Variants in PHF21A observed in about 807,000 individuals in gnomAD.
PHF21A encodes the protein BHC80a.
PHF21A carries 11 observed loss-of-function variants against 82.5 expected under a neutral mutation model. The observed-to-expected ratio is 0.13, with a 90% CI of 0.08 to 0.22. PHF21A has a LOEUF of 0.22. Among genes scored for constraint, PHF21A ranks in the 10% least tolerant of loss-of-function variants. The pLI, the probability that PHF21A is intolerant of heterozygous loss-of-function variation, is 1.00. For missense variants in PHF21A, 579 were observed against 837.8 expected, an observed-to-expected ratio of 0.69 and a Z score of 3.81; for synonymous variants, 297 against 302.8, an observed-to-expected ratio of 0.98 and a Z score of 0.20.
In PHF21A at chr11:46,092,238, C is replaced by T. The variant is rs541664927; in HGVS notation, c.-236-15G>A. 2 of 151,940 alleles carry T rather than the reference C, an allele frequency of 1.3e-5. No individual in the cohort carries two copies. Among genetic ancestry groups the T allele is most frequent in the Non-Finnish European group, 2.9e-5 (2 of 67,972 alleles). The allele number at this position is 151,940 out of a possible 1,614,324, so 9.4% of individuals were successfully genotyped here. On this transcript the variant is annotated splice_polypyrimidine_tract_variant and intron_variant, in intron 1 of 18. Transcript: ENST00000676320. Reference sequence around the variant, plus strand: ...TCTCTAGCCCCCTATAACAGAAGAACGGGAAAATGGAATTAGACAACACAC... The same window carrying T: ...TCTCTAGCCCCCTATAACAGAAGAATGGGAAAATGGAATTAGACAACACAC...
intron 6 of PHF21A, among the ~76,000 whole-genome samples, chr11:46,029,924 A>T (rs1002505466): frequency 6.6e-6 from 1 of 152,242 alleles, no homozygotes; most frequent in Non-Finnish European, 1.5e-5. Context: ...TTTAATACTT[A>T]CAAAAGTGTT....
intron 1 of PHF21A, among the ~76,000 whole-genome samples, chr11:46,099,523 GACAC>G (rs71038882): frequency 0.22 from 29,857 of 137,534 alleles, 3,567 homozygotes; most frequent in Non-Finnish European, 0.28. Flanking sequence ...AGAAAAATTA[GACAC>G]ACACACACAC....
intron 1 of PHF21A, among the ~76,000 whole-genome samples, chr11:46,107,245 G>C (rs1343282693): frequency 6.6e-6 from 1 of 152,162 alleles, no homozygotes; most frequent in African/African-American, 2.4e-5. Context: ...AAAGTGTAGA[G>C]AGTACTGGTC....
At chr11:46,070,436 T>C (rs2096643593) in intron 6 of PHF21A, among the ~76,000 whole-genome samples, 1 of 151,992 alleles carries the variant, frequency 6.6e-6, no homozygotes, top group African/African-American at 2.4e-5. Flanking sequence ...GTTCAAGCAA[T>C]TCTCCCGCCT....
rs908897021 is a variant in PHF21A, at chr11:45,930,316, TGTTGGGCCTGA to T, written c.*3641_*3651del. The T allele has an allele frequency of 1.6e-4, 25 of 152,290 alleles. No individual in the cohort carries two copies. The highest frequency in any genetic ancestry group is 6.0e-4 in the African/African-American group (25 of 41,460). The allele number at this position is 152,290 out of a possible 1,614,324, so 9.4% of individuals were successfully genotyped here. ...TGTAACCACCTCCATGCACGCTGCC[TGTTGGGCCTGA>T]GCCAAGCAGCAGCAGGGACAGAGAG... is the stretch of plus-strand genomic sequence containing the variant. On this transcript the variant is annotated 3_prime_UTR_variant, in exon 19 of 19. Transcript: ENST00000676320.
chr11:46,025,424 C>T (rs2095720774), intron 6 of PHF21A, among the ~76,000 whole-genome samples: 1 of 152,146 alleles, frequency 6.6e-6, no homozygotes, highest in South Asian at 2.1e-4. Flanking sequence ...GCTTTAGCAC[C>T]AATTCTAGAC....
intron 6 of PHF21A, among the ~76,000 whole-genome samples, chr11:46,063,172 T>C (rs550880721): frequency 4.1e-4 from 63 of 152,266 alleles, no homozygotes; most frequent in African/African-American, 1.4e-3. Context: ...TCAAAATGAA[T>C]TGAATTCGCC....
chr11:46,107,272 G>T (rs2097162292), intron 1 of PHF21A, among the ~76,000 whole-genome samples: 1 of 152,070 alleles, frequency 6.6e-6, no homozygotes, highest in Non-Finnish European at 1.5e-5. Context: ...ACTGAGTCTA[G>T]AATAAAAAAG....
chr11:45,949,938 C>T (rs529635466), intron 12 of PHF21A, among the ~76,000 whole-genome samples: 2 of 152,222 alleles, frequency 1.3e-5, no homozygotes, highest in African/African-American at 2.4e-5. Context: ...CTGTGCTGTT[C>T]AGAAAAAGAA....
At chr11:45,967,297 C>T (rs1023524147) in intron 9 of PHF21A, among the ~76,000 whole-genome samples, 3 of 150,788 alleles carry the variant, frequency 2.0e-5, no homozygotes, top group East Asian at 2.0e-4. Context: ...GAACCTGGGA[C>T]GTGGAGGTTG....
At chr11:46,036,999 CT>C (rs2096018366) in intron 6 of PHF21A, among the ~76,000 whole-genome samples, 1 of 152,194 alleles carries the variant, frequency 6.6e-6, no homozygotes, top group Non-Finnish European at 1.5e-5. Flanking sequence ...GCAAAAGCCA[CT>C]GCACCTGGCC....
At chr11:46,112,222 C>G (rs908060226) in intron 1 of PHF21A, among the ~76,000 whole-genome samples, 1 of 152,144 alleles carries the variant, frequency 6.6e-6, no homozygotes, top group Non-Finnish European at 1.5e-5. Flanking sequence ...AAAACATTCT[C>G]AGGAATTTGT....
chr11:45,930,931 G>A lies in PHF21A; in HGVS notation c.*3037C>T, dbSNP rs1198030423. On this transcript the variant is annotated 3_prime_UTR_variant, in exon 19 of 19. Transcript: ENST00000676320. ...CCCCCCCCCCTCCCCGCCCAGGTCT[G>A]AGGGGACAGTGAAGGACAGGGAGAT... The A allele has an allele frequency of 7.4e-6, 1 of 134,780 alleles. No homozygotes were observed. The highest frequency in any genetic ancestry group is 2.2e-4 in the East Asian group (1 of 4,470). 8.3% of individuals were successfully genotyped at this position (134,780 alleles called of 1,614,324 possible).
intron 6 of PHF21A, among the ~76,000 whole-genome samples, chr11:46,018,206 C>G (rs926586386): frequency 6.7e-6 from 1 of 148,366 alleles, no homozygotes. Context: ...GCTGAGATTG[C>G]GCCACTGCAC....
At chr11:45,972,806 C>T (rs1250604679) in intron 7 of PHF21A, among the ~76,000 whole-genome samples, 1 of 152,128 alleles carries the variant, frequency 6.6e-6, no homozygotes, top group Non-Finnish European at 1.5e-5. Flanking sequence ...CCCAGCTACT[C>T]GGGAGGCTGA....
At chr11:45,975,322 C>CAAAAT (rs58576083) in intron 7 of PHF21A, among the ~76,000 whole-genome samples, 8,096 of 111,962 alleles carry the variant, frequency 0.072, 373 homozygotes, top group African/African-American at 0.11. Context: ...TCAAAGAAAA[C>CAAAAT]AAAATAAAAT....
chr11:46,096,227 A>G (rs2096993102), intron 1 of PHF21A, among the ~76,000 whole-genome samples: 1 of 151,856 alleles, frequency 6.6e-6, no homozygotes, highest in African/African-American at 2.4e-5. Flanking sequence ...CTCATGGAGC[A>G]TCAATTTTCC....
intron 6 of PHF21A, among the ~76,000 whole-genome samples, chr11:45,998,474 G>GA (rs1199819500): frequency 4.6e-5 from 7 of 151,948 alleles, no homozygotes; most frequent in African/African-American, 1.7e-4. Context: ...TCTATTTTAG[G>GA]AAACAGAAGA....
At chr11:46,043,558 A>T (rs1469118835) in intron 6 of PHF21A, among the ~76,000 whole-genome samples, 1 of 152,126 alleles carries the variant, frequency 6.6e-6, no homozygotes, top group Non-Finnish European at 1.5e-5. Context: ...CTGAAGTGAT[A>T]AAGACGAGCT....
Sources: allele counts gnomAD v4.1 joint callset (sites outside exome capture counted in the v4.1 genomes callset), GRCh38; gene constraint gnomAD v4.1.1; transcripts MANE v1.5; gene names NCBI Gene and HGNC (gene_info 2026-07-23, HGNC 2026-07-21).